PPP2R3B: variants seen among roughly 807,000 people sequenced by gnomAD.
PPP2R3B encodes the protein protein phosphatase 2 regulatory subunit B''beta.
PPP2R3B carries 68 observed loss-of-function variants against 72.9 expected under a neutral mutation model. The observed-to-expected ratio is 0.93, with a 90% CI of 0.77 to 1.14. PPP2R3B has a LOEUF of 1.14. Among genes scored for constraint, PPP2R3B ranks in the 50% most tolerant of loss-of-function variants. The pLI is 0.00. For synonymous variants in PPP2R3B, 466 were observed against 375.8 expected (o/e 1.24, Z -2.78); for missense variants, 1,018 against 842.0 (o/e 1.21, Z -2.59).
At chrX:384,300 T>C (rs867996179) in intron 1 of PPP2R3B, among the ~76,000 whole-genome samples, 3 of 134,164 alleles carry the variant, frequency 2.2e-5, no homozygotes, top group Middle Eastern at 4.0e-3. Flanking sequence ...ATATATATAC[T>C]TTTTTTTTTT....
intron 7 of PPP2R3B, chrX:342,315 G>C (rs1361296219): frequency 3.4e-6 from 1 of 295,988 alleles, no homozygotes; most frequent in South Asian, 3.0e-5. Context: ...CCTCAGCAAC[G>C]GGAGGCGGGA....
chrX:344,897 G>C (rs765231347), intron 7 of PPP2R3B: 1 of 336,510 alleles, frequency 3.0e-6, no homozygotes, highest in African/African-American at 2.2e-5. Context: ...ACCGTAATTC[G>C]GAAACAGTCT....
chrX:379,372 A>G (rs1422148553), intron 1 of PPP2R3B, among the ~76,000 whole-genome samples: 1 of 142,672 alleles, frequency 7.0e-6, no homozygotes, highest in Non-Finnish European at 1.5e-5. Context: ...CTATGTGTGT[A>G]TGTACCTGTG....
In PPP2R3B at chrX:338,534, TCACCCGTCCTCC is replaced by T. The variant is rs2070954233; in HGVS notation, c.1577+58_1577+69del. 7 of 347,332 alleles carry T rather than the reference TCACCCGTCCTCC, an allele frequency of 2.0e-5. No homozygotes were observed. The South Asian group carries it at 3.2e-4, about 16-fold the overall frequency. 21.5% of individuals were successfully genotyped at this position (347,332 alleles called of 1,614,324 possible). A position where few individuals can be genotyped will look rare whatever the true frequency, so the allele number is the denominator to read the frequency against. ...GCTGCACACACACCCGTCCTCCCAC[TCACCCGTCCTCC>T]CCACTCACCCGTCCTCCCACTGACC... On this transcript the variant is annotated intron_variant, in intron 12 of 12. Transcript: ENST00000390665.
chrX:364,175 C>A (rs896443795), intron 1 of PPP2R3B, among the ~76,000 whole-genome samples: 19 of 152,216 alleles, frequency 1.2e-4, no homozygotes, highest in Non-Finnish European at 1.5e-4. Flanking sequence ...GGGGAAGCTC[C>A]CAGAACGCGT....
At chrX:364,561 A>T (rs1232311714) in intron 1 of PPP2R3B, among the ~76,000 whole-genome samples, 1 of 151,554 alleles carries the variant, frequency 6.6e-6, no homozygotes. Flanking sequence ...AAAAGAGTAT[A>T]AAAAAAATTA....
chrX:346,717 G>C lies in PPP2R3B; in HGVS notation c.776C>G (p.Ser259Trp), dbSNP rs1406303957. Residue 259 changes from serine to tryptophan, a missense_variant, in exon 5 of 13, where the codon TCG (serine) becomes TGG (tryptophan). Physicochemically the swap from Ser to Trp is radical, Grantham distance 177 (BLOSUM62 -3). Transcript: ENST00000390665. ...GGGACCCACCGTGGTGATGTAGCGC[G>C]AGTGGAACTCGGACGCCTCCTTCAG... is the stretch of plus-strand genomic sequence containing the variant. ...SFLKEASEFH[S>W]RYITTVIQRI... is the part of the protein sequence containing the mutation. 1 of 1,609,872 alleles carries C rather than the reference G, an allele frequency of 6.2e-7. No individual in the cohort carries two copies. The highest frequency in any genetic ancestry group is 2.2e-5 in the East Asian group (1 of 44,832).
intron 1 of PPP2R3B, among the ~76,000 whole-genome samples, chrX:370,268 T>C (rs191044158): frequency 1.2e-4 from 18 of 152,214 alleles, no homozygotes; most frequent in Admixed American, 1.2e-3. Context: ...TGCAGGTGTC[T>C]GAGTAGGCCA....
In PPP2R3B at chrX:341,874, C is replaced by G. The variant is rs1470161028; in HGVS notation, c.1085+9G>C. The G allele has an allele frequency of 1.2e-6, 2 of 1,612,484 alleles. No individual in the cohort carries two copies. Among genetic ancestry groups the G allele is most frequent in the Non-Finnish European group, 1.7e-6 (2 of 1,179,718 alleles). On this transcript the variant is annotated intron_variant, in intron 8 of 12. Transcript: ENST00000390665. ...AATGGCTGCCGTCAGGCGCCTGAGC[C>G]GTACGTACCGTGTGACTGCTCCTGA...
chrX:344,709 G>GCT (rs1159051176), intron 7 of PPP2R3B, among the ~76,000 whole-genome samples: 2 of 152,346 alleles, frequency 1.3e-5, no homozygotes, highest in Admixed American at 1.3e-4. Context: ...GGCGCAGGTG[G>GCT]CTCCCTGAAC....
Position 347,246 on chromosome X carries a change from G to A in PPP2R3B, c.705C>T (p.Val235=). 1 of 1,613,630 alleles carries A rather than the reference G, an allele frequency of 6.2e-7. No homozygotes were observed. The highest frequency in any genetic ancestry group is 8.5e-7 in the Non-Finnish European group (1 of 1,179,740). Residue 235 remains valine, a synonymous_variant, in exon 4 of 13, where the codon GTC becomes GTT. Transcript: ENST00000390665. The part of the protein sequence containing the change: ...GCNYLVQEDF[V]PFLQDVVNTH... ...CGCAGGCTCTCACCTGCAAGAAGGGGACAAAGTCCTCCTGCACCAGGTAGT... is the reference window on the plus strand; with the variant it reads ...CGCAGGCTCTCACCTGCAAGAAGGGAACAAAGTCCTCCTGCACCAGGTAGT...
At chrX:342,335 CA>C (rs1278680852) in intron 7 of PPP2R3B, 13,815 of 241,126 alleles carry the variant, frequency 0.057, 1,515 homozygotes, top group Middle Eastern at 0.067. Context: ...AGTGAGACCT[CA>C]GCAACGGGAG....
At chrX:384,248 C>T (rs1174253597) in intron 1 of PPP2R3B, among the ~76,000 whole-genome samples, 1 of 151,528 alleles carries the variant, frequency 6.6e-6, no homozygotes, top group Non-Finnish European at 1.5e-5. Flanking sequence ...CTCAAGCTCG[C>T]GCACGCAAGA....
In PPP2R3B at chrX:386,404, G is replaced by A. The variant is rs371101183; in HGVS notation, c.288C>T (p.His96=). 8.0e-5 allele frequency: 106 copies of A among 1,320,270 alleles called. No homozygotes were observed. The African/African-American group carries it at 1.3e-3, about 16-fold the overall frequency. The allele number at this position is 1,320,270 out of a possible 1,614,324, so 81.8% of individuals were successfully genotyped here. The change falls in exon 1 of 13, where the codon CAC becomes CAT. Residue 96 remains histidine, a synonymous_variant. Coordinates refer to ENST00000390665, the MANE Select transcript of PPP2R3B (RefSeq NM_013239.5). ...GAASSPRNAP[H]VRGTRRSAGT... ...CTGCGGATCTACGGGTGCCTCGAACGTGGGGCGCGTTCCTGGGGCTGGAGG... is the reference window on the plus strand; with the variant it reads ...CTGCGGATCTACGGGTGCCTCGAACATGGGGCGCGTTCCTGGGGCTGGAGG...
intron 2 of PPP2R3B, among the ~76,000 whole-genome samples, chrX:348,258 T>G (rs142174183): frequency 2.2e-4 from 32 of 147,598 alleles, no homozygotes; most frequent in African/African-American, 7.1e-4. Flanking sequence ...AACTCGATGA[T>G]TTGAAAGATT....
At chrX:374,577 C>T (rs1170683085) in intron 1 of PPP2R3B, among the ~76,000 whole-genome samples, 1 of 152,104 alleles carries the variant, frequency 6.6e-6, no homozygotes, top group African/African-American at 2.4e-5. Context: ...ATTCCGGGGG[C>T]CTGCACCTCG....
rs754438723 is a variant in PPP2R3B, at chrX:334,382, GTCC to G, written c.1710_1712del (p.Glu570del). On this transcript the variant is annotated inframe_deletion, in exon 13 of 13. Coordinates refer to ENST00000390665, the MANE Select transcript of PPP2R3B (RefSeq NM_013239.5). The stretch of plus-strand genomic sequence containing the variant: ...GCGGGCGGCGTCACAGCGGCTCCAG[GTCC>G]TCGTCCCCGCATGCGTACTCGTACA... 22 of 1,522,558 alleles carry G rather than the reference GTCC, an allele frequency of 1.4e-5. No individual in the cohort carries two copies. The South Asian group carries it at 2.5e-4, about 17-fold the overall frequency. 94.3% of individuals were successfully genotyped at this position (1,522,558 alleles called of 1,614,324 possible). A position where few individuals can be genotyped will look rare whatever the true frequency, so the allele number is the denominator to read the frequency against.
Position 341,949 on chromosome X carries a change from T to TG in PPP2R3B, c.1037-19dup. The TG allele has an allele frequency of 6.2e-7, 1 of 1,612,540 alleles. No homozygotes were observed. Among genetic ancestry groups the TG allele is most frequent in the East Asian group, 2.2e-5 (1 of 44,880 alleles). The stretch of plus-strand genomic sequence containing the variant: ...AGAAAGGGCTGGAAAGGAATGCGGT[T>TG]GATGGGCAGCCCGCACCGTGCCTCG... On this transcript the variant is annotated intron_variant, in intron 7 of 12. Coordinates refer to ENST00000390665, the MANE Select transcript of PPP2R3B (RefSeq NM_013239.5).
intron 1 of PPP2R3B, among the ~76,000 whole-genome samples, chrX:361,828 G>A (rs1229301020): frequency 4.6e-5 from 7 of 152,136 alleles, no homozygotes; most frequent in East Asian, 1.9e-4. Flanking sequence ...GCGGCTCTGC[G>A]CCACTGAGCC....
Sources: allele counts gnomAD v4.1 joint callset (sites outside exome capture counted in the v4.1 genomes callset), GRCh38; gene constraint gnomAD v4.1.1; transcripts MANE v1.5; gene names NCBI Gene and HGNC (gene_info 2026-07-23, HGNC 2026-07-21).